The following SIK2 variants were observed in gnomAD, a reference collection of about 807,000 sequenced individuals.
SIK2 encodes serine/threonine-protein kinase SIK2.
A neutral mutation model predicts 103.2 loss-of-function variants in SIK2; 29 were observed. That is an observed-to-expected ratio of 0.28 (90% CI 0.21 to 0.38). The LOEUF is 0.38. Among genes scored for constraint, SIK2 ranks in the 10% least tolerant of loss-of-function variants. The pLI is 1.00. For missense variants in SIK2, 879 were observed against 1,171.0 expected (o/e 0.75, Z 3.64); for synonymous variants, 412 against 446.1 (o/e 0.92, Z 0.96).
chr11:111,630,422 C>T, intron 3 of SIK2, among the ~76,000 whole-genome samples: 1 of 151,974 alleles, frequency 6.6e-6, no homozygotes, highest in Admixed American at 6.5e-5. Flanking sequence ...TATACAATTA[C>T]CTCATATAGT....
intron 9 of SIK2, among the ~76,000 whole-genome samples, chr11:111,717,755 T>C (rs112341156): frequency 0.011 from 1,695 of 152,280 alleles, 24 homozygotes; most frequent in African/African-American, 0.038. Flanking sequence ...TGGAATACCA[T>C]GCATACATAG....
At chr11:111,669,014 A>C (rs889070819) in intron 3 of SIK2, among the ~76,000 whole-genome samples, 2 of 152,264 alleles carry the variant, frequency 1.3e-5, no homozygotes, top group African/African-American at 4.8e-5. Flanking sequence ...GAGGCTACAC[A>C]TCAGGGTGCC....
rs1943826257 is a variant in SIK2 at position 111,722,314 on chromosome 11, G to A, written c.2056-351G>A. Among the ~76,000 whole-genome samples the A allele has an allele frequency of 6.6e-6, 1 of 152,194 alleles. No individual in the cohort carries two copies. The highest frequency in any genetic ancestry group is 2.1e-4 in the South Asian group (1 of 4,832). Reference sequence around the variant, plus strand: ...TTGGTGCATAAAAATCTTAAAAAGCGATAAAGCATAGATCCCGTAAAGGAT... The same window carrying A: ...TTGGTGCATAAAAATCTTAAAAAGCAATAAAGCATAGATCCCGTAAAGGAT... On this transcript the variant is annotated intron_variant, in intron 13 of 14. Coordinates refer to ENST00000304987, the MANE Select transcript of SIK2 (RefSeq NM_015191.3). The surrounding 1 kb of genome is among the most constrained non-coding windows in gnomAD (Gnocchi z 4.4).
rs75142829 is a variant in SIK2, at chr11:111,725,025, G to T, written c.*896G>T. 6.6e-6 allele frequency: 1 copy of T among 152,574 alleles called. No individual in the cohort carries two copies. Among genetic ancestry groups the T allele is most frequent in the African/African-American group, 2.4e-5 (1 of 41,420 alleles). The allele number at this position is 152,574 out of a possible 1,614,324, so 9.5% of individuals were successfully genotyped here. A position where few individuals can be genotyped will look rare whatever the true frequency, so the allele number is the denominator to read the frequency against. ...CCAGGGTACCTGTTGTCTCTTTTCC[G>T]ATGTAATAACTACTTTGACCTTACA... On this transcript the variant is annotated 3_prime_UTR_variant, in exon 15 of 15. Coordinates refer to ENST00000304987, the MANE Select transcript of SIK2 (RefSeq NM_015191.3).
intron 3 of SIK2, among the ~76,000 whole-genome samples, chr11:111,661,106 C>A (rs1259763621): frequency 6.6e-6 from 1 of 152,086 alleles, no homozygotes; most frequent in Non-Finnish European, 1.5e-5. Context: ...TCTAAAAATA[C>A]TGAGTATATA....
intron 4 of SIK2, 91 bp from the exon 5 acceptor site, chr11:111,700,795 G>C (rs1943195089): frequency 1.4e-6 from 2 of 1,479,712 alleles, no homozygotes; most frequent in Admixed American, 1.8e-5. Context: ...TAGTGATATT[G>C]TTAATATAGC....
chr11:111,706,354 GA>G (rs1486116383), intron 8 of SIK2, among the ~76,000 whole-genome samples: 4 of 152,176 alleles, frequency 2.6e-5, no homozygotes, highest in African/African-American at 4.8e-5. Flanking sequence ...AGTTGCTCAG[GA>G]GGAAGATGTG....
Position 111,726,830 on chromosome 11 carries a change from A to G in SIK2, c.*2701A>G. ...GTGTGTACACTACTGTATCATCATCAGCTTCATCACCCTGTAAACCAGGCT... is the reference window on the plus strand; with the variant it reads ...GTGTGTACACTACTGTATCATCATCGGCTTCATCACCCTGTAAACCAGGCT... On this transcript the variant is annotated 3_prime_UTR_variant, in exon 15 of 15. Transcript: ENST00000304987. The G allele has an allele frequency of 1.3e-6, 1 of 742,986 alleles. No individual in the cohort carries two copies. Among genetic ancestry groups the G allele is most frequent in the Non-Finnish European group, 2.3e-6 (1 of 433,656 alleles). The allele number at this position is 742,986 out of a possible 1,614,324, so 46.0% of individuals were successfully genotyped here. A position where few individuals can be genotyped will look rare whatever the true frequency, so the allele number is the denominator to read the frequency against.
intron 3 of SIK2, among the ~76,000 whole-genome samples, chr11:111,629,297 T>C (rs1942007122): frequency 6.6e-6 from 1 of 152,202 alleles, no homozygotes; most frequent in Non-Finnish European, 1.5e-5. Flanking sequence ...GATTCAGTAA[T>C]TTGTTCAAAG....
At chr11:111,672,044 G>T (rs933588110) in intron 3 of SIK2, 1 of 512,898 alleles carries the variant, frequency 1.9e-6, no homozygotes. Context: ...TTGTTCTGCT[G>T]CTCCAGGAAC....
intron 2 of SIK2, among the ~76,000 whole-genome samples, chr11:111,619,412 G>C (rs1410228533): frequency 6.6e-6 from 1 of 150,466 alleles, no homozygotes; most frequent in African/African-American, 2.4e-5. Flanking sequence ...TATTTTTTTT[G>C]AGACATAGTT....
rs1565397770 is a variant in SIK2 at position 111,722,851 on chromosome 11, A to C, written c.2147+95A>C. ...TCCTTTTCCTCTCACATTCGCCACTACTAGGAAAATAGGTTTTCTGCGTGT... is the reference window on the plus strand; with the variant it reads ...TCCTTTTCCTCTCACATTCGCCACTCCTAGGAAAATAGGTTTTCTGCGTGT... On this transcript the variant is annotated intron_variant, in intron 14 of 14. Transcript: ENST00000304987. The surrounding 1 kb of genome is among the most constrained non-coding windows in gnomAD (Gnocchi z 4.4). 1 of 1,162,054 alleles carries C rather than the reference A, an allele frequency of 8.6e-7. No individual in the cohort carries two copies. Among genetic ancestry groups the C allele is most frequent in the Non-Finnish European group, 1.3e-6 (1 of 796,724 alleles). The allele number at this position is 1,162,054 out of a possible 1,614,324, so 72.0% of individuals were successfully genotyped here. A position where few individuals can be genotyped will look rare whatever the true frequency, so the allele number is the denominator to read the frequency against.
chr11:111,676,098 CT>C (rs1942700131), intron 3 of SIK2, among the ~76,000 whole-genome samples: 1 of 152,150 alleles, frequency 6.6e-6, no homozygotes, highest in Admixed American at 6.5e-5. Flanking sequence ...GTATTTCCTC[CT>C]TTTTATGGCT....
rs566204539 is a variant in SIK2 at position 111,649,420 on chromosome 11, A to G, written c.316+29018A>G. On this transcript the variant is annotated intron_variant, in intron 3 of 14. Coordinates refer to ENST00000304987, the MANE Select transcript of SIK2 (RefSeq NM_015191.3). The stretch of plus-strand genomic sequence containing the variant: ...GGTATTTGAATATATTACTTACAGT[A>G]CTTGAATATAGTATAAAGTTTTTAC... Among the ~76,000 whole-genome samples, 5 of 152,280 alleles carry G rather than the reference A, an allele frequency of 3.3e-5. No homozygotes were observed. In the South Asian group the frequency reaches 1.0e-3, roughly 32 times the overall value.
At chr11:111,649,498 G>A (rs1164439552) in intron 3 of SIK2, among the ~76,000 whole-genome samples, 1 of 151,616 alleles carries the variant, frequency 6.6e-6, no homozygotes, top group Non-Finnish European at 1.5e-5. Flanking sequence ...CCCTAATAAG[G>A]GAAAAGTCAC....
chr11:111,621,821 G>C (rs1160196902), intron 3 of SIK2, among the ~76,000 whole-genome samples: 1 of 152,012 alleles, frequency 6.6e-6, no homozygotes, highest in Admixed American at 6.5e-5. Context: ...GGCTGAGGCA[G>C]GAGAGTCACT....
rs1219775506 is a variant in SIK2, at chr11:111,602,604, C to G, written c.41C>G (p.Pro14Arg). 1.3e-6 allele frequency: 2 copies of G among 1,532,960 alleles called. No individual in the cohort carries two copies. Among genetic ancestry groups the G allele is most frequent in the Non-Finnish European group, 1.8e-6 (2 of 1,139,550 alleles). 95.0% of individuals were successfully genotyped at this position (1,532,960 alleles called of 1,614,324 possible). A position where few individuals can be genotyped will look rare whatever the true frequency, so the allele number is the denominator to read the frequency against. ...GGCCCGAGGCACTTGCAGCGCGGGCCGGTCCGGGTGGGGTTCTACGACATC... is the reference window on the plus strand; with the variant it reads ...GGCCCGAGGCACTTGCAGCGCGGGCGGGTCCGGGTGGGGTTCTACGACATC... ...ADGPRHLQRG[P>R]VRVGFYDIEG... The change falls in exon 1 of 15, where the codon CCG becomes CGG. Residue 14 changes from proline to arginine, a missense_variant. Pro to Arg is a moderately radical substitution (Grantham distance 103). Around this residue, in one of 7 missense-constraint regions of SIK2, gnomAD observed 47 missense variants for 43.9 expected, o/e 1.07. Coordinates refer to ENST00000304987, the MANE Select transcript of SIK2 (RefSeq NM_015191.3). This position sits in a 1 kb window ranked among gnomAD's most constrained non-coding sequence, Gnocchi z 4.5.
chr11:111,617,328 AAAAT>A (rs1941821032), intron 2 of SIK2, among the ~76,000 whole-genome samples: 1 of 152,222 alleles, frequency 6.6e-6, no homozygotes, highest in Admixed American at 6.5e-5. Flanking sequence ...AATATAGTAC[AAAAT>A]ATTGAAAACA....
intron 2 of SIK2, 147 bp from the exon 3 acceptor site, chr11:111,620,192 T>C: frequency 1.6e-6 from 1 of 625,636 alleles, no homozygotes; most frequent in South Asian, 2.0e-5. Flanking sequence ...CAGAAGGATA[T>C]TGTCAGGCTT....
Sources: gnomAD v4.1 joint callset for allele counts (sites outside exome capture counted in the v4.1 genomes callset) on GRCh38, gnomAD v4.1.1 for gene constraint, gnomAD v4.1.1 regional missense constraint, Gnocchi (gnomAD v3.1) non-coding constraint, MANE v1.5 for transcripts, NCBI Gene and HGNC (gene_info 2026-07-23, HGNC 2026-07-21) for gene names.